SLC8A3: variants seen among roughly 807,000 people sequenced by gnomAD.
The protein encoded by SLC8A3 is sodium/calcium exchanger 3.
A neutral mutation model predicts 65.4 loss-of-function variants in SLC8A3; 37 were observed. That is an observed-to-expected ratio of 0.57 (90% CI 0.44 to 0.74). The LOEUF is 0.74. SLC8A3 is among the 30% of genes least tolerant of loss of function. The pLI, the probability that SLC8A3 is intolerant of heterozygous loss-of-function variation, is 0.00. For synonymous variants in SLC8A3, 461 were observed against 444.5 expected (o/e 1.04, Z -0.47); for missense variants, 1,112 against 1,172.1 (o/e 0.95, Z 0.75).
In SLC8A3 at chr14:70,046,262, G is replaced by A. The variant is rs757800228; in HGVS notation, c.2451C>T (p.Asn817=). Residue 817 remains asparagine, a synonymous_variant, in exon 7 of 7, where the codon AAC becomes AAT. Coordinates refer to ENST00000356921, the MANE Select transcript of SLC8A3 (RefSeq NM_182932.3). This position sits in a 1 kb window ranked among gnomAD's most constrained non-coding sequence, Gnocchi z 4.2. The stretch of plus-strand genomic sequence containing the variant: ...CATTGACGGCGTTGCTGCCCGTCAC[G>A]TTGCCAATGGAGGCGTCTGCATATA... ...QDVYADASIG[N]VTGSNAVNVF... 6 of 1,614,000 alleles carry A rather than the reference G, an allele frequency of 3.7e-6. No individual in the cohort carries two copies. In the Admixed American group the frequency reaches 6.7e-5, roughly 18 times the overall value.
Position 70,091,050 on chromosome 14 carries a change from T to C in SLC8A3, c.1785-30111A>G, listed in dbSNP as rs377591427. 3.3e-5 allele frequency among the ~76,000 whole-genome samples: 5 copies of C among 152,260 alleles called. No homozygotes were observed. The South Asian group carries it at 1.0e-3, about 32-fold the overall frequency. ...AGATCAATTATTGATGGATGAGGGA[T>C]TTCATAAACCTCAGAATGTGAGGAA... On this transcript the variant is annotated intron_variant, in intron 2 of 6. Coordinates refer to ENST00000356921, the MANE Select transcript of SLC8A3 (RefSeq NM_182932.3).
chr14:70,097,169 C>T (rs1892233548), intron 2 of SLC8A3, among the ~76,000 whole-genome samples: 2 of 151,706 alleles, frequency 1.3e-5, no homozygotes, highest in South Asian at 4.2e-4. Context: ...TCAATACAAA[C>T]TAACTGGGAA....
At chr14:70,097,981 T>C (rs1892301546) in intron 2 of SLC8A3, among the ~76,000 whole-genome samples, 2 of 152,224 alleles carry the variant, frequency 1.3e-5, no homozygotes, top group African/African-American at 4.8e-5. Context: ...CTCTCTTTCC[T>C]GCTATTGCTC....
At chr14:70,133,178 A>T (rs780158450) in intron 2 of SLC8A3, among the ~76,000 whole-genome samples, 1 of 152,190 alleles carries the variant, frequency 6.6e-6, no homozygotes, top group South Asian at 2.1e-4. Context: ...ACCTGTAATA[A>T]AATGGCCTTT....
intron 2 of SLC8A3, among the ~76,000 whole-genome samples, chr14:70,080,643 G>A (rs894185597): frequency 6.6e-6 from 1 of 152,198 alleles, no homozygotes; most frequent in Non-Finnish European, 1.5e-5. Flanking sequence ...TTCACAGGAA[G>A]AAAGTCCCAT....
At chr14:70,115,009 T>A (rs1317898341) in intron 2 of SLC8A3, among the ~76,000 whole-genome samples, 1 of 152,294 alleles carries the variant, frequency 6.6e-6, no homozygotes, top group East Asian at 1.9e-4. Context: ...ACACGACCAA[T>A]AATTCCCTAC....
chr14:70,062,903 G>T (rs1250357400), intron 2 of SLC8A3, among the ~76,000 whole-genome samples: 1 of 152,170 alleles, frequency 6.6e-6, no homozygotes, highest in Non-Finnish European at 1.5e-5. Context: ...GTACTGGAGG[G>T]CATGAGGGAC....
chr14:70,127,587 C>T (rs1894553437), intron 2 of SLC8A3, among the ~76,000 whole-genome samples: 1 of 152,172 alleles, frequency 6.6e-6, no homozygotes, highest in Non-Finnish European at 1.5e-5. Context: ...TTTCCCTGTG[C>T]TGGATTTCCT....
intron 2 of SLC8A3, among the ~76,000 whole-genome samples, chr14:70,152,303 G>A (rs778894655): frequency 1.3e-5 from 2 of 152,086 alleles, no homozygotes; most frequent in African/African-American, 2.4e-5. Flanking sequence ...CCCACATCCC[G>A]CCAACACCTC....
At chr14:70,063,903 T>C (rs56258229) in intron 2 of SLC8A3, 48 of 1,608,308 alleles carry the variant, frequency 3.0e-5, no homozygotes, top group Non-Finnish European at 4.0e-5. Flanking sequence ...TGCCTCATCA[T>C]CAATTACCTT....
Position 70,166,940 on chromosome 14 carries a change from C to A in SLC8A3, c.1483G>T (p.Glu495Ter). The A allele has an allele frequency of 6.2e-7, 1 of 1,614,226 alleles. No individual in the cohort carries two copies. Among genetic ancestry groups the A allele is most frequent in the Non-Finnish European group, 8.5e-7 (1 of 1,180,038 alleles). ...SNVRIEEEQP[E>*]EGMPPAIFNS... is the part of the protein sequence containing the mutation. ...AATATTGCTGGAGGCATCCCCTCCTCTGGCTGCTCCTCCTCTATGCGGACA... is the reference window on the plus strand; with the variant it reads ...AATATTGCTGGAGGCATCCCCTCCTATGGCTGCTCCTCCTCTATGCGGACA... The change falls in exon 2 of 7, where the codon GAG becomes TAG. Residue 495 changes from glutamate (E) to a stop codon, truncating the protein, a stop_gained. Coordinates refer to ENST00000356921, the MANE Select transcript of SLC8A3 (RefSeq NM_182932.3). LOFTEE classifies it high-confidence loss of function.
chr14:70,170,491 A>G (rs1218917210), intron 1 of SLC8A3, among the ~76,000 whole-genome samples: 1 of 152,202 alleles, frequency 6.6e-6, no homozygotes, highest in Admixed American at 6.5e-5. Context: ...TGGTATCCTG[A>G]ATGGTTAGTA....
At chr14:70,068,932 G>A (rs1334804999) in intron 2 of SLC8A3, among the ~76,000 whole-genome samples, 1 of 152,080 alleles carries the variant, frequency 6.6e-6, no homozygotes, top group African/African-American at 2.4e-5. Flanking sequence ...TCACCATGCT[G>A]GTCTCAAACT....
At position 70,069,594 on chromosome 14, in the gene SLC8A3, C is replaced by T. The variant is rs943917967; in HGVS notation, c.1785-8655G>A. Among the ~76,000 whole-genome samples, 121 of 152,040 alleles carry T rather than the reference C, an allele frequency of 8.0e-4. 8 individuals carry two copies. The highest frequency in any genetic ancestry group is 5.9e-5 in the Non-Finnish European group (4 of 68,008). ...CTTCTTGTAGTTTCCTTTATTTTTC[C>T]GGTTGGGTGTCACTGCCCCATCTCT... is the stretch of plus-strand genomic sequence containing the variant. On this transcript the variant is annotated intron_variant, in intron 2 of 6. Transcript: ENST00000356921.
chr14:70,120,737 A>G (rs1444356181), intron 2 of SLC8A3, among the ~76,000 whole-genome samples: 2 of 152,212 alleles, frequency 1.3e-5, no homozygotes, highest in Non-Finnish European at 2.9e-5. Flanking sequence ...AAAATGAGGG[A>G]CTAAAGAATC....
intron 3 of SLC8A3, among the ~76,000 whole-genome samples, chr14:70,056,523 C>T (rs1207147103): frequency 6.6e-6 from 1 of 152,168 alleles, no homozygotes; most frequent in African/African-American, 2.4e-5. Flanking sequence ...GTAGATATAT[C>T]CTGGAAGTTA....
chr14:70,094,169 C>T (rs889045424), intron 2 of SLC8A3, among the ~76,000 whole-genome samples: 1 of 152,234 alleles, frequency 6.6e-6, no homozygotes, highest in Non-Finnish European at 1.5e-5. Context: ...AGTCCATGGC[C>T]TCCCCACCAA....
At chr14:70,175,972 T>C (rs1022165609) in intron 1 of SLC8A3, among the ~76,000 whole-genome samples, 2 of 152,166 alleles carry the variant, frequency 1.3e-5, no homozygotes, top group African/African-American at 4.8e-5. Context: ...TGACCTCAAG[T>C]GATCCGCCCA....
At chr14:70,189,101 T>A (rs1883605055), upstream of SLC8A3, 1 of 151,972 alleles carries the variant, frequency 6.6e-6, no homozygotes, top group East Asian at 1.9e-4. Flanking sequence ...ATATTTATCC[T>A]CGCGCGCGGA....
Sources: gnomAD v4.1 joint callset for allele counts (sites outside exome capture counted in the v4.1 genomes callset) on GRCh38, gnomAD v4.1.1 for gene constraint, Gnocchi (gnomAD v3.1) non-coding constraint, MANE v1.5 for transcripts, NCBI Gene and HGNC (gene_info 2026-07-23, HGNC 2026-07-21) for gene names.